BPNT2: variants seen among roughly 807,000 people sequenced by gnomAD.
BPNT2 encodes the protein Golgi-resident adenosine 3',5'-bisphosphate 3'-phosphatase.
Under a neutral mutation model 29.3 loss-of-function variants are expected in BPNT2, and 11 were observed. That is an observed-to-expected ratio of 0.38 (90% CI 0.24 to 0.62). The LOEUF (loss-of-function observed/expected upper bound fraction) is 0.62, where lower values mean the gene tolerates loss of function less well. Ranked by LOEUF, BPNT2 falls within the 20% of genes least tolerant of loss-of-function variation. BPNT2 has a pLI of 0.62. For synonymous variants in BPNT2, 195 were observed against 187.7 expected, an observed-to-expected ratio of 1.04 and a Z score of -0.32; for missense variants, 459 against 473.4, an observed-to-expected ratio of 0.97 and a Z score of 0.28.
rs906196162 is a variant in BPNT2, at chr8:56,963,639, T to C, written c.*154A>G. The stretch of plus-strand genomic sequence containing the variant: ...CCATTTTCCCTGATTTTGCATTCTA[T>C]TACAGGGAAAATAAGTCTCTGATGC... On this transcript the variant is annotated 3_prime_UTR_variant, in exon 5 of 5. Coordinates refer to ENST00000262644, the MANE Select transcript of BPNT2 (RefSeq NM_017813.5). 1.0e-5 allele frequency: 8 copies of C among 784,910 alleles called. No homozygotes were observed. Among genetic ancestry groups the C allele is most frequent in the Non-Finnish European group, 1.7e-5 (8 of 480,684 alleles). 48.6% of individuals were successfully genotyped at this position (784,910 alleles called of 1,614,324 possible).
chr8:56,985,377 C>T (rs560988972), intron 1 of BPNT2, among the ~76,000 whole-genome samples: 1 of 152,190 alleles, frequency 6.6e-6, no homozygotes, highest in South Asian at 2.1e-4. Context: ...TACTACCTGT[C>T]AAAGACCTCA....
chr8:56,989,748 T>C (rs1806382364), intron 1 of BPNT2, among the ~76,000 whole-genome samples: 1 of 152,152 alleles, frequency 6.6e-6, no homozygotes, highest in African/African-American at 2.4e-5. Flanking sequence ...ATTCTACTAG[T>C]AAACCATGGA....
At chr8:56,977,563 T>C (rs2129205049) in intron 3 of BPNT2, among the ~76,000 whole-genome samples, 1 of 152,308 alleles carries the variant, frequency 6.6e-6, no homozygotes, top group Admixed American at 6.5e-5. Flanking sequence ...AAAGATATGT[T>C]GACATCCTCA....
chr8:56,968,045 T>G (rs1805977543), intron 3 of BPNT2, among the ~76,000 whole-genome samples: 1 of 152,104 alleles, frequency 6.6e-6, no homozygotes, highest in Non-Finnish European at 1.5e-5. Flanking sequence ...TTAAAACATT[T>G]CAGGATACTC....
Position 56,971,793 on chromosome 8 carries a change from C to CCA in BPNT2, c.647-5442_647-5441insTG, listed in dbSNP as rs970751212. Among the ~76,000 whole-genome samples, 14 of 147,178 alleles carry CCA rather than the reference C, an allele frequency of 9.5e-5. 2 individuals carry two copies. The highest frequency in any genetic ancestry group is 1.8e-4 in the Non-Finnish European group (12 of 66,034). The stretch of plus-strand genomic sequence containing the variant: ...AATAATTTTGTACCACCCCCCCCCC[C>CCA]ACAATGCTACTGTGTGGGCCCAAGT... On this transcript the variant is annotated intron_variant, in intron 3 of 4. Transcript: ENST00000262644.
rs1227964659 is a variant in BPNT2 at position 56,958,405 on chromosome 8, G to A, written c.*5388C>T. On this transcript the variant is annotated 3_prime_UTR_variant, in exon 5 of 5. Coordinates refer to ENST00000262644, the MANE Select transcript of BPNT2 (RefSeq NM_017813.5). ...AGAGAAGAGTTTACTTCCTTCCAGA[G>A]GGTGAAGTCGGGACCCATTTAAATT... 2 of 152,132 alleles carry A rather than the reference G, an allele frequency of 1.3e-5. No homozygotes were observed. The highest frequency in any genetic ancestry group is 2.9e-5 in the Non-Finnish European group (2 of 68,034). The allele number at this position is 152,132 out of a possible 1,614,324, so 9.4% of individuals were successfully genotyped here. A position where few individuals can be genotyped will look rare whatever the true frequency, so the allele number is the denominator to read the frequency against.
At chr8:56,964,112 A>G (rs760382485) in intron 4 of BPNT2, 48 bp from the exon 5 acceptor site, 5 of 1,367,514 alleles carry the variant, frequency 3.7e-6, no homozygotes, top group Non-Finnish European at 5.1e-6. Flanking sequence ...AAATTTTAAG[A>G]AAGTAGCATA....
At chr8:56,965,002 A>C (rs933643275) in intron 4 of BPNT2, among the ~76,000 whole-genome samples, 6 of 152,124 alleles carry the variant, frequency 3.9e-5, no homozygotes, top group Non-Finnish European at 7.4e-5. Context: ...TAGAACAGAA[A>C]ATTAAAATTA....
At chr8:56,968,774 T>C (rs1464904163) in intron 3 of BPNT2, among the ~76,000 whole-genome samples, 1 of 152,200 alleles carries the variant, frequency 6.6e-6, no homozygotes, top group Non-Finnish European at 1.5e-5. Flanking sequence ...AAAGACATCA[T>C]AGTTACATCA....
intron 1 of BPNT2, among the ~76,000 whole-genome samples, chr8:56,988,920 C>T (rs1806368235): frequency 6.6e-6 from 1 of 152,144 alleles, no homozygotes; most frequent in Non-Finnish European, 1.5e-5. Context: ...CTTCCTTCTA[C>T]ATCTATCTTC....
chr8:56,978,685 C>T (rs1806187593), intron 2 of BPNT2, among the ~76,000 whole-genome samples: 1 of 150,620 alleles, frequency 6.6e-6, no homozygotes, highest in Admixed American at 6.6e-5. Context: ...AAATGTGGTA[C>T]ATATACACCG....
At chr8:56,969,042 A>G (rs1470020346) in intron 3 of BPNT2, among the ~76,000 whole-genome samples, 2 of 152,170 alleles carry the variant, frequency 1.3e-5, no homozygotes, top group African/African-American at 4.8e-5. Flanking sequence ...TGATGCATCT[A>G]CTGACTAAGG....
At chr8:56,980,247 AT>A in intron 1 of BPNT2, 50 bp from the exon 2 acceptor site, 2 of 1,445,240 alleles carry the variant, frequency 1.4e-6, no homozygotes, top group African/African-American at 2.8e-5. Context: ...AACAATCACT[AT>A]TTGATAAACT....
At chr8:56,984,546 G>T (rs1449970556) in intron 1 of BPNT2, among the ~76,000 whole-genome samples, 2 of 152,024 alleles carry the variant, frequency 1.3e-5, no homozygotes, top group Non-Finnish European at 2.9e-5. Context: ...CTCTCACCTG[G>T]ATTTCTACAA....
chr8:56,969,825 A>C (rs1025820144), intron 3 of BPNT2, among the ~76,000 whole-genome samples: 1 of 152,220 alleles, frequency 6.6e-6, no homozygotes, highest in Non-Finnish European at 1.5e-5. Flanking sequence ...CATTAAGATC[A>C]TAAGAATATT....
At position 56,966,294 on chromosome 8, in the gene BPNT2, C is replaced by T. The variant is rs146267973; in HGVS notation, c.705G>A (p.Lys235=). The T allele has an allele frequency of 4.3e-6, 7 of 1,613,860 alleles. No homozygotes were observed. The highest frequency in any genetic ancestry group is 5.1e-6 in the Non-Finnish European group (6 of 1,179,880). The change falls in exon 4 of 5, where the codon AAG becomes AAA. Residue 235 remains lysine (K), a synonymous_variant. Transcript: ENST00000262644. The part of the protein sequence containing the change: ...NVKARSSYNE[K]TPRIVVSRSH... ...AACGAGACACAACGATCCTTGGGGT[C>T]TTCTCATTGTAGGAAGAGCGGGCTT... is the stretch of plus-strand genomic sequence containing the variant.
At chr8:56,964,160 GA>G in intron 4 of BPNT2, 96 bp from the exon 5 acceptor site, 1 of 829,172 alleles carries the variant, frequency 1.2e-6, no homozygotes, top group Non-Finnish European at 1.9e-6. Context: ...TAGCAGGATG[GA>G]GTGTGCAGGA....
At position 56,989,410 on chromosome 8, in the gene BPNT2, T is replaced by G. The variant is rs543150135; in HGVS notation, c.387+3789A>C. Reference sequence around the variant, plus strand: ...AAAAAAAAATTCTAGCTGGACAATCTTTGGCAAATTATTTAGCCTCTCCAA... The same window carrying G: ...AAAAAAAAATTCTAGCTGGACAATCGTTGGCAAATTATTTAGCCTCTCCAA... On this transcript the variant is annotated intron_variant, in intron 1 of 4. Transcript: ENST00000262644. Among the ~76,000 whole-genome samples, 62 of 152,116 alleles carry G rather than the reference T, an allele frequency of 4.1e-4. 2 individuals carry two copies. Among genetic ancestry groups the G allele is most frequent in the African/African-American group, 1.4e-3 (59 of 41,510 alleles).
intron 3 of BPNT2, chr8:56,967,088 C>T (rs1805964896): frequency 2.2e-6 from 1 of 453,776 alleles, no homozygotes; most frequent in Admixed American, 2.4e-5. Context: ...GACTATAAAA[C>T]TATACAAGAG....
Sources: allele counts gnomAD v4.1 joint callset (sites outside exome capture counted in the v4.1 genomes callset), GRCh38; gene constraint gnomAD v4.1.1; transcripts MANE v1.5; gene names NCBI Gene and HGNC (gene_info 2026-07-23, HGNC 2026-07-21).